The following KPNB1 variants were observed in gnomAD, a reference collection of about 807,000 sequenced individuals.
KPNB1 encodes karyopherin subunit beta 1.
Under a neutral mutation model 113.0 loss-of-function variants are expected in KPNB1, and 7 were observed. That is an observed-to-expected ratio of 0.06 (90% CI 0.04 to 0.12). The LOEUF (loss-of-function observed/expected upper bound fraction) is 0.12, where lower values mean the gene tolerates loss of function less well. Among genes scored for constraint, KPNB1 ranks in the 10% least tolerant of loss-of-function variants. KPNB1 has a pLI of 1.00. For synonymous variants in KPNB1, 363 were observed against 378.6 expected (o/e 0.96, Z 0.48); for missense variants, 400 against 1,054.8 (o/e 0.38, Z 8.60).
Position 47,685,438 on chromosome 17 carries a change from C to T in KPNB1, c.*3034C>T, listed in dbSNP as rs1306493578. 1.3e-5 allele frequency: 2 copies of T among 151,860 alleles called. No individual in the cohort carries two copies. Among genetic ancestry groups the T allele is most frequent in the African/African-American group, 4.8e-5 (2 of 41,318 alleles). 9.4% of individuals were successfully genotyped at this position (151,860 alleles called of 1,614,324 possible). On this transcript the variant is annotated 3_prime_UTR_variant, in exon 22 of 22. Coordinates refer to ENST00000290158, the MANE Select transcript of KPNB1 (RefSeq NM_002265.6). The stretch of plus-strand genomic sequence containing the variant: ...ACCTGTAAAACACTTGAGCCCAACT[C>T]GATTAACCAAAACCGATAACCACCA...
intron 14 of KPNB1, 83 bp from the exon 15 acceptor site, chr17:47,674,555 A>T (rs1325390165): frequency 2.3e-5 from 30 of 1,332,436 alleles, no homozygotes; most frequent in Non-Finnish European, 9.3e-6. Context: ...CAAGGGACTT[A>T]ATTGATTTTA....
chr17:47,661,999 C>T (rs1156514496), intron 6 of KPNB1, among the ~76,000 whole-genome samples: 2 of 152,128 alleles, frequency 1.3e-5, no homozygotes, highest in African/African-American at 2.4e-5. Context: ...AGCAGCTTTG[C>T]TATTGCTATA....
At chr17:47,665,006 G>C (rs2030224344) in intron 8 of KPNB1, 51 bp from the exon 9 acceptor site, 2 of 1,333,324 alleles carry the variant, frequency 1.5e-6, no homozygotes, top group Non-Finnish European at 2.2e-6. Flanking sequence ...TATGCCTTTA[G>C]TATACAGAGC....
In KPNB1 at chr17:47,650,039, T is replaced by C. The variant is rs1343494180; in HGVS notation, c.-206T>C. 1 of 1,356,476 alleles carries C rather than the reference T, an allele frequency of 7.4e-7. No individual in the cohort carries two copies. Among genetic ancestry groups the C allele is most frequent in the East Asian group, 3.0e-5 (1 of 32,980 alleles). 84.0% of individuals were successfully genotyped at this position (1,356,476 alleles called of 1,614,324 possible). ...CCTCCCCCGCCGCCAGCAGCCCATT[T>C]GGAGGGAGGAAGTAAGGGAAGAGGA... On this transcript the variant is annotated 5_prime_UTR_variant, in exon 1 of 22. Coordinates refer to ENST00000290158, the MANE Select transcript of KPNB1 (RefSeq NM_002265.6).
Position 47,680,663 on chromosome 17 carries a change from A to G in KPNB1, c.2624A>G (p.Gln875Arg). The G allele has an allele frequency of 6.2e-7, 1 of 1,613,728 alleles. No individual in the cohort carries two copies. The highest frequency in any genetic ancestry group is 1.7e-5 in the Admixed American group (1 of 59,964). The change falls in exon 21 of 22, where the codon CAA becomes CGA. Residue 875 changes from glutamine (Q) to arginine (R), a missense_variant. This residue lies in a region of KPNB1 where 115 missense variants were observed against 427.9 expected (regional missense o/e 0.27). Transcript: ENST00000290158. ...ATKELRKLKN[Q>R]A ...AAAGAACTGAGGAAACTGAAGAACCAAGCTTGGTAAGATCTTGCCTCCACT... is the reference window on the plus strand; with the variant it reads ...AAAGAACTGAGGAAACTGAAGAACCGAGCTTGGTAAGATCTTGCCTCCACT...
At position 47,682,718 on chromosome 17, in the gene KPNB1, G is replaced by T. The variant is rs1315447830; in HGVS notation, c.*314G>T. On this transcript the variant is annotated 3_prime_UTR_variant, in exon 22 of 22. Transcript: ENST00000290158. ...AGAAAGTTATCTCTTCCCAGGAGAG[G>T]CTAGAAGTAGCTTTTCTGTCTTTTG... The T allele has an allele frequency of 2.7e-6, 1 of 377,096 alleles. No individual in the cohort carries two copies. The highest frequency in any genetic ancestry group is 4.8e-6 in the Non-Finnish European group (1 of 207,086). The allele number at this position is 377,096 out of a possible 1,614,324, so 23.4% of individuals were successfully genotyped here.
intron 8 of KPNB1, among the ~76,000 whole-genome samples, 167 bp downstream of exon 8, chr17:47,664,436 T>C (rs190862185): frequency 8.4e-4 from 128 of 152,234 alleles, no homozygotes; most frequent in Admixed American, 3.1e-3. Flanking sequence ...AGGAGGCACA[T>C]CAGTAATGAG....
At chr17:47,655,144 G>A (rs1345453295) in intron 3 of KPNB1, among the ~76,000 whole-genome samples, 2 of 152,194 alleles carry the variant, frequency 1.3e-5, no homozygotes, top group African/African-American at 4.8e-5. Context: ...TCTTTGTCCC[G>A]TGTTCATGCC....
At position 47,682,415 on chromosome 17, in the gene KPNB1, T is replaced by C. The variant is rs1251464612; in HGVS notation, c.*11T>C. ...CCATCTGTTTTCAGATCTGTTACCA[T>C]TGGGATGATAACCTGAGGACCCCCA... On this transcript the variant is annotated 3_prime_UTR_variant, in exon 22 of 22. Transcript: ENST00000290158. The C allele has an allele frequency of 2.6e-6, 2 of 780,540 alleles. No homozygotes were observed. Among genetic ancestry groups the C allele is most frequent in the Non-Finnish European group, 4.8e-6 (2 of 418,124 alleles). 48.4% of individuals were successfully genotyped at this position (780,540 alleles called of 1,614,324 possible). A position where few individuals can be genotyped will look rare whatever the true frequency, so the allele number is the denominator to read the frequency against.
chr17:47,674,579 T>G, intron 14 of KPNB1, 59 bp from the exon 15 acceptor site: 1 of 1,519,632 alleles, frequency 6.6e-7, no homozygotes, highest in Non-Finnish European at 8.9e-7. Flanking sequence ...AGAAAAGGTA[T>G]AGTGTTCTGA....
At chr17:47,674,810 G>A in intron 15 of KPNB1, 28 bp downstream of exon 15, 1 of 1,592,584 alleles carries the variant, frequency 6.3e-7, no homozygotes, top group Non-Finnish European at 8.5e-7. Context: ...TCTGGTCAGG[G>A]AATGTCTTTG....
intron 7 of KPNB1, 50 bp downstream of exon 7, chr17:47,663,228 C>A: frequency 1.1e-6 from 1 of 947,110 alleles, no homozygotes; most frequent in South Asian, 1.3e-5. Flanking sequence ...TTACAGAGCC[C>A]ATCATCCTTA....
chr17:47,654,186 G>T (rs554024978), intron 3 of KPNB1, among the ~76,000 whole-genome samples: 1 of 152,264 alleles, frequency 6.6e-6, no homozygotes, highest in South Asian at 2.1e-4. Flanking sequence ...AGGCCGAGGT[G>T]GGTGGATCAC....
intron 19 of KPNB1, among the ~76,000 whole-genome samples, chr17:47,679,253 A>C (rs2030701995): frequency 6.6e-6 from 1 of 151,984 alleles, no homozygotes; most frequent in South Asian, 2.1e-4. Flanking sequence ...ATATTTCTTG[A>C]GTATTACAAG....
chr17:47,656,841 G>GT lies in KPNB1; in HGVS notation c.283-18dup. The GT allele has an allele frequency of 6.5e-7, 1 of 1,528,488 alleles. No homozygotes were observed. The allele number at this position is 1,528,488 out of a possible 1,614,324, so 94.7% of individuals were successfully genotyped here. A position where few individuals can be genotyped will look rare whatever the true frequency, so the allele number is the denominator to read the frequency against. Reference sequence around the variant, plus strand: ...ATAGTGTTAGAAATTTGTATCTTTTGTCTTTTTTTTTGGTGCAGGTTTTGC... The same window carrying GT: ...ATAGTGTTAGAAATTTGTATCTTTTGTTCTTTTTTTTTGGTGCAGGTTTTGC... On this transcript the variant is annotated intron_variant, in intron 3 of 21. Transcript: ENST00000290158.
rs757696447 is a variant in KPNB1 at position 47,650,213 on chromosome 17, TAGG to T, written c.-26_-24del. ...CGCCCGAAAGGCCGGGCCGTCGTCTTAGGAGGAGTCGCCGCCGCCGCCACCTCC... is the reference window on the plus strand; with the variant it reads ...CGCCCGAAAGGCCGGGCCGTCGTCTTAGGAGTCGCCGCCGCCGCCACCTCC... On this transcript the variant is annotated 5_prime_UTR_variant, in exon 1 of 22. Coordinates refer to ENST00000290158, the MANE Select transcript of KPNB1 (RefSeq NM_002265.6). The T allele has an allele frequency of 4.6e-5, 62 of 1,356,776 alleles. No individual in the cohort carries two copies. The African/African-American group carries it at 5.2e-4, about 11-fold the overall frequency. 84.0% of individuals were successfully genotyped at this position (1,356,776 alleles called of 1,614,324 possible).
rs1409708184 is a variant in KPNB1, at chr17:47,675,367, TTTTTGTTTTTTTTTTTTGTTTG to T, written c.1912+590_1912+611del. On this transcript the variant is annotated intron_variant, in intron 15 of 21. Coordinates refer to ENST00000290158, the MANE Select transcript of KPNB1 (RefSeq NM_002265.6). Reference sequence around the variant, plus strand: ...GGAGATTGGCAGAGGTGTTGTTTTTTTTTTGTTTTTTTTTTTTGTTTGTTTTTTTTTTGAGACTTGTTCTGTT... The same window carrying T: ...GGAGATTGGCAGAGGTGTTGTTTTTTTTTTTTTTTTGAGACTTGTTCTGTT... Among the ~76,000 whole-genome samples, 3 of 111,610 alleles carry T rather than the reference TTTTTGTTTTTTTTTTTTGTTTG, an allele frequency of 2.7e-5. 1 individual carries two copies. The highest frequency in any genetic ancestry group is 5.4e-5 in the Non-Finnish European group (3 of 55,294). The allele number at this position is 111,610 out of a possible 152,430, so 73.2% of individuals were successfully genotyped here. A position where few individuals can be genotyped will look rare whatever the true frequency, so the allele number is the denominator to read the frequency against.
chr17:47,675,745 G>A (rs1016892821), intron 15 of KPNB1, among the ~76,000 whole-genome samples: 2 of 152,080 alleles, frequency 1.3e-5, no homozygotes, highest in Non-Finnish European at 2.9e-5. Context: ...CTTTGAAGGG[G>A]CATTACGAAG....
intron 5 of KPNB1, among the ~76,000 whole-genome samples, chr17:47,658,915 G>C (rs1173318029): frequency 6.6e-6 from 1 of 152,108 alleles, no homozygotes; most frequent in Non-Finnish European, 1.5e-5. Context: ...GTGGAATGTT[G>C]TTGGGTTTTT....
Sources: gnomAD v4.1 joint callset for allele counts (sites outside exome capture counted in the v4.1 genomes callset) on GRCh38, gnomAD v4.1.1 for gene constraint, gnomAD v4.1.1 regional missense constraint, MANE v1.5 for transcripts, NCBI Gene and HGNC (gene_info 2026-07-23, HGNC 2026-07-21) for gene names.